The following TGFBR3 variants were observed in gnomAD, a reference collection of about 807,000 sequenced individuals.
TGFBR3 encodes transforming growth factor beta receptor type 3.
A neutral mutation model predicts 87.9 loss-of-function variants in TGFBR3; 46 were observed. The observed-to-expected ratio is 0.52, with a 90% confidence interval of 0.41 to 0.67. The LOEUF (loss-of-function observed/expected upper bound fraction) is 0.67. Among genes scored for constraint, TGFBR3 ranks in the 30% least tolerant of loss-of-function variants. TGFBR3 has a pLI of 0.00. For missense variants in TGFBR3, 866 were observed against 1,041.9 expected (o/e 0.83, Z 2.32); for synonymous variants, 381 against 391.6 (o/e 0.97, Z 0.32).
chr1:91,746,939 G>C (rs1673371468), intron 4 of TGFBR3, among the ~76,000 whole-genome samples: 1 of 152,014 alleles, frequency 6.6e-6, no homozygotes, highest in Non-Finnish European at 1.5e-5. Context: ...AGTAGTGTAG[G>C]GTAGACACGC....
intron 3 of TGFBR3, among the ~76,000 whole-genome samples, chr1:91,781,883 T>G (rs1674780829): frequency 6.6e-6 from 1 of 152,078 alleles, no homozygotes; most frequent in Non-Finnish European, 1.5e-5. Flanking sequence ...GATTTTATGA[T>G]TTGGGAAATT....
intron 3 of TGFBR3, among the ~76,000 whole-genome samples, chr1:91,783,950 A>G (rs1415309519): frequency 2.0e-5 from 3 of 152,202 alleles, no homozygotes; most frequent in Non-Finnish European, 4.4e-5. Flanking sequence ...ATCATTCTCA[A>G]TGGCCCAACT....
chr1:91,801,228 A>G (rs1055416749), intron 2 of TGFBR3, among the ~76,000 whole-genome samples: 2 of 152,160 alleles, frequency 1.3e-5, no homozygotes, highest in Non-Finnish European at 2.9e-5. Flanking sequence ...AGTAAGCTCA[A>G]TGTGCTTAAG....
chr1:91,876,101 G>C (rs1160684805), intron 1 of TGFBR3, among the ~76,000 whole-genome samples: 1 of 151,914 alleles, frequency 6.6e-6, no homozygotes, highest in Admixed American at 6.6e-5. Context: ...CCTCATGGGG[G>C]TGTGGTGGGG....
intron 14 of TGFBR3, among the ~76,000 whole-genome samples, chr1:91,702,474 G>A (rs1307182840): frequency 4.6e-5 from 7 of 151,224 alleles, no homozygotes; most frequent in East Asian, 2.0e-4. Flanking sequence ...GTGAAACCCC[G>A]TCTCTACTAA....
chr1:91,699,440 T>C (rs1437682328), intron 14 of TGFBR3, among the ~76,000 whole-genome samples: 1 of 145,158 alleles, frequency 6.9e-6, no homozygotes, highest in Non-Finnish European at 1.5e-5. Flanking sequence ...GCTTTTTTTT[T>C]TTTTTTTTTT....
At chr1:91,829,547 G>A (rs545058242) in intron 2 of TGFBR3, among the ~76,000 whole-genome samples, 4 of 152,118 alleles carry the variant, frequency 2.6e-5, no homozygotes, top group Non-Finnish European at 5.9e-5. Context: ...GTGAATACCA[G>A]AAGCACCCAG....
intron 4 of TGFBR3, among the ~76,000 whole-genome samples, chr1:91,748,622 C>T (rs1164624204): frequency 6.6e-6 from 1 of 152,144 alleles, no homozygotes; most frequent in Non-Finnish European, 1.5e-5. Context: ...TCATGAGTGG[C>T]TCCAGACTGG....
chr1:91,825,792 C>T (rs567247566), intron 2 of TGFBR3, among the ~76,000 whole-genome samples: 9 of 152,216 alleles, frequency 5.9e-5, no homozygotes, highest in African/African-American at 2.2e-4. Context: ...ACCAGCCTGG[C>T]CAACATGGTG....
In TGFBR3 at chr1:91,683,029, C is replaced by A. The variant is rs773116819; in HGVS notation, c.*710G>T. The stretch of plus-strand genomic sequence containing the variant: ...AAGAAATACAAAATTTGCATTAAGA[C>A]ATTTTGCAGTGGTGTATGCAAGTAT... On this transcript the variant is annotated 3_prime_UTR_variant, in exon 17 of 17. Transcript: ENST00000212355. 2 of 454,372 alleles carry A rather than the reference C, an allele frequency of 4.4e-6. No individual in the cohort carries two copies. Among genetic ancestry groups the A allele is most frequent in the Non-Finnish European group, 8.8e-6 (2 of 226,794 alleles). 28.1% of individuals were successfully genotyped at this position (454,372 alleles called of 1,614,324 possible).
At chr1:91,717,993 A>G (rs1395646857) in intron 10 of TGFBR3, among the ~76,000 whole-genome samples, 2 of 152,160 alleles carry the variant, frequency 1.3e-5, no homozygotes, top group Admixed American at 6.5e-5. Context: ...GACATTCATT[A>G]TATCTGTAGA....
At chr1:91,789,685 T>C (rs369969004) in intron 3 of TGFBR3, among the ~76,000 whole-genome samples, 2 of 152,212 alleles carry the variant, frequency 1.3e-5, no homozygotes, top group African/African-American at 4.8e-5. Flanking sequence ...GGAGAGTTCC[T>C]ATTGGAGAGT....
At chr1:91,862,780 A>G (rs2101200964) in intron 1 of TGFBR3, among the ~76,000 whole-genome samples, 1 of 152,298 alleles carries the variant, frequency 6.6e-6, no homozygotes, top group Admixed American at 6.5e-5. Context: ...TAAAAGTGCA[A>G]AGACCCTCCC....
At chr1:91,828,335 A>G (rs1676722657) in intron 2 of TGFBR3, among the ~76,000 whole-genome samples, 1 of 152,202 alleles carries the variant, frequency 6.6e-6, no homozygotes, top group Non-Finnish European at 1.5e-5. Flanking sequence ...TAGTCAAAGG[A>G]AAAAGAGTTT....
chr1:91,868,633 C>G (rs1678471120), intron 1 of TGFBR3, among the ~76,000 whole-genome samples: 2 of 152,144 alleles, frequency 1.3e-5, no homozygotes, highest in Admixed American at 6.5e-5. Context: ...ACCAACCAAG[C>G]TACCTAGAAT....
chr1:91,758,690 G>A lies in TGFBR3; in HGVS notation c.307C>T (p.Leu103=). 1 of 1,614,030 alleles carries A rather than the reference G, an allele frequency of 6.2e-7. No homozygotes were observed. Among genetic ancestry groups the A allele is most frequent in the Non-Finnish European group, 8.5e-7 (1 of 1,179,938 alleles). ...ACCAGGGGGTGTGGGGAGTTGAGCA[G>A]GAACACAACAGACTTGTGGTGGATG... ...VHIHHKSVVF[L]LNSPHPLVWH... Residue 103 remains leucine (L), a synonymous_variant, in exon 4 of 17, where the codon CTG becomes TTG. Coordinates refer to ENST00000212355, the MANE Select transcript of TGFBR3 (RefSeq NM_003243.5).
intron 3 of TGFBR3, among the ~76,000 whole-genome samples, chr1:91,775,116 A>G (rs1674522790): frequency 2.0e-5 from 3 of 152,146 alleles, no homozygotes; most frequent in South Asian, 4.1e-4. Flanking sequence ...CTAGTAATCT[A>G]GTTTCTACTT....
chr1:91,874,974 T>C (rs575701053), intron 1 of TGFBR3, among the ~76,000 whole-genome samples: 1 of 152,298 alleles, frequency 6.6e-6, no homozygotes, highest in South Asian at 2.1e-4. Context: ...CTAAACTCTA[T>C]GATTCTGAGT....
intron 2 of TGFBR3, among the ~76,000 whole-genome samples, chr1:91,814,389 A>G (rs1676140361): frequency 6.6e-6 from 1 of 152,226 alleles, no homozygotes; most frequent in Non-Finnish European, 1.5e-5. Context: ...AGTAAAAAGT[A>G]TAGGAAGTTA....
Sources: gnomAD v4.1 joint callset for allele counts (sites outside exome capture counted in the v4.1 genomes callset) on GRCh38, gnomAD v4.1.1 for gene constraint, MANE v1.5 for transcripts, NCBI Gene and HGNC (gene_info 2026-07-23, HGNC 2026-07-21) for gene names.